The following HFM1 variants were observed in gnomAD, a reference collection of about 807,000 sequenced individuals.
HFM1 encodes the protein probable ATP-dependent DNA helicase HFM1.
A neutral mutation model predicts 192.1 loss-of-function variants in HFM1; 169 were observed. The ratio of observed to expected loss-of-function variants is 0.88; its 90% CI spans 0.78 to 1.00. The LOEUF is 1.00. Ranked by LOEUF, HFM1 falls within the 50% of genes least tolerant of loss-of-function variation. The pLI is 0.00. For synonymous variants in HFM1, 525 were observed against 537.8 expected, an observed-to-expected ratio of 0.98 and a Z score of 0.33; for missense variants, 1,661 against 1,668.0, an observed-to-expected ratio of 1.00 and a Z score of 0.07.
In HFM1 at chr1:91,351,533, CT is replaced by C. The variant is rs773402026; in HGVS notation, c.2072+15del. On this transcript the variant is annotated intron_variant, in intron 17 of 38. Transcript: ENST00000370425. ...TATTAGCATTAGTATCTTTTTGGAA[CT>C]TTTTTTTATACTACCTGCTTTCTAC... The C allele has an allele frequency of 1.4e-4, 193 of 1,380,800 alleles. No homozygotes were observed. Among genetic ancestry groups the C allele is most frequent in the Admixed American group, 3.0e-4 (15 of 49,784 alleles). 85.5% of individuals were successfully genotyped at this position (1,380,800 alleles called of 1,614,324 possible). A position where few individuals can be genotyped will look rare whatever the true frequency, so the allele number is the denominator to read the frequency against.
intron 30 of HFM1, among the ~76,000 whole-genome samples, chr1:91,300,454 T>C (rs1293215631): frequency 6.6e-6 from 1 of 152,158 alleles, no homozygotes; most frequent in Non-Finnish European, 1.5e-5. Flanking sequence ...ATCATCCTGA[T>C]ACCAAAGCCT....
In HFM1 at chr1:91,323,089, G is replaced by C; in HGVS notation, c.2534+4C>G. On this transcript the variant is annotated splice_donor_region_variant and intron_variant, in intron 22 of 38. Coordinates refer to ENST00000370425, the MANE Select transcript of HFM1 (RefSeq NM_001017975.6). ...ATTATTTAAAACATATGTAATTTCTGTACCTGATAGTTATCCGATTTGGAT... is the reference window on the plus strand; with the variant it reads ...ATTATTTAAAACATATGTAATTTCTCTACCTGATAGTTATCCGATTTGGAT... 6.8e-7 allele frequency: 1 copy of C among 1,472,826 alleles called. No individual in the cohort carries two copies. The highest frequency in any genetic ancestry group is 9.3e-7 in the Non-Finnish European group (1 of 1,072,060). The allele number at this position is 1,472,826 out of a possible 1,614,324, so 91.2% of individuals were successfully genotyped here.
At chr1:91,371,163 T>C (rs1168096978) in intron 13 of HFM1, among the ~76,000 whole-genome samples, 4 of 152,146 alleles carry the variant, frequency 2.6e-5, no homozygotes, top group Admixed American at 6.5e-5. Context: ...ATGGCCATAC[T>C]GCCCAAGGTA....
At chr1:91,370,041 G>A (rs1659945802) in intron 13 of HFM1, among the ~76,000 whole-genome samples, 2 of 149,114 alleles carry the variant, frequency 1.3e-5, no homozygotes, top group African/African-American at 2.5e-5. Context: ...ACTAACCCAG[G>A]AGAAGTTGAA....
chr1:91,355,899 T>G (rs1294679712), intron 13 of HFM1, among the ~76,000 whole-genome samples: 1 of 152,184 alleles, frequency 6.6e-6, no homozygotes, highest in East Asian at 1.9e-4. Context: ...TTGCATTCAA[T>G]AGCAGCAGAA....
intron 23 of HFM1, among the ~76,000 whole-genome samples, chr1:91,320,882 C>T (rs1651991205): frequency 6.6e-6 from 1 of 152,126 alleles, no homozygotes; most frequent in Non-Finnish European, 1.5e-5. Context: ...ATGACTAACC[C>T]AGGGTTAGTA....
At chr1:91,295,364 C>T (rs1647367777) in intron 30 of HFM1, among the ~76,000 whole-genome samples, 1 of 152,126 alleles carries the variant, frequency 6.6e-6, no homozygotes, top group Non-Finnish European at 1.5e-5. Flanking sequence ...AGTCCAAGAT[C>T]AAGGTGTTGG....
chr1:91,287,088 G>A (rs1389155769), intron 30 of HFM1, among the ~76,000 whole-genome samples: 1 of 152,160 alleles, frequency 6.6e-6, no homozygotes, highest in Non-Finnish European at 1.5e-5. Context: ...TGGGGGAGGG[G>A]TGCCCGCCAC....
intron 25 of HFM1, among the ~76,000 whole-genome samples, chr1:91,317,207 G>A (rs1264729025): frequency 6.6e-6 from 1 of 152,074 alleles, no homozygotes; most frequent in African/African-American, 2.4e-5. Flanking sequence ...CTGAGGTCGG[G>A]AGTTCGAGAC....
intron 30 of HFM1, among the ~76,000 whole-genome samples, chr1:91,307,650 C>T (rs1649838608): frequency 6.6e-6 from 1 of 152,020 alleles, no homozygotes; most frequent in South Asian, 2.1e-4. Context: ...GACAGGGTTT[C>T]ACCACATTGC....
At chr1:91,363,798 G>A (rs1373797311) in intron 13 of HFM1, among the ~76,000 whole-genome samples, 2 of 152,156 alleles carry the variant, frequency 1.3e-5, no homozygotes, top group African/African-American at 2.4e-5. Context: ...ATGCCCATCA[G>A]TGATAGACTG....
intron 30 of HFM1, among the ~76,000 whole-genome samples, chr1:91,277,817 A>G (rs558781014): frequency 0.014 from 1,726 of 126,316 alleles, 20 homozygotes; most frequent in Non-Finnish European, 0.022. Context: ...AATATATAAT[A>G]TATATACTTT....
chr1:91,313,351 T>G lies in HFM1; in HGVS notation c.3389A>C (p.Lys1130Thr), dbSNP rs777084875. 5.8e-6 allele frequency: 9 copies of G among 1,554,542 alleles called. No individual in the cohort carries two copies. Among genetic ancestry groups the G allele is most frequent in the Non-Finnish European group, 7.9e-6 (9 of 1,137,310 alleles). ...SDISTIAGPNKGTTASKKPGN... is the reference protein window; with the variant it reads ...SDISTIAGPNTGTTASKKPGN... ...TAGGAATTAATACAGCTATTTACCT[T>G]TATTAGGTCCTGCTATTGTAGATAT... Residue 1130 changes from lysine (K) to threonine (T), a missense_variant and splice_region_variant, in exon 30 of 39, where the codon AAA becomes ACA. By Grantham distance (78) the Lys-to-Thr change is moderately conservative. Transcript: ENST00000370425.
intron 35 of HFM1, 58 bp downstream of exon 35, chr1:91,267,687 A>C (rs1367168049): frequency 1.3e-6 from 1 of 790,838 alleles, no homozygotes; most frequent in Non-Finnish European, 2.0e-6. Context: ...CAGGAGCTGA[A>C]ATGAAAAATA....
chr1:91,397,039 T>A (rs970218111), intron 2 of HFM1, among the ~76,000 whole-genome samples: 1 of 152,210 alleles, frequency 6.6e-6, no homozygotes, highest in African/African-American at 2.4e-5. Flanking sequence ...AGAATCTAAC[T>A]AATGTCTGAT....
At position 91,394,220 on chromosome 1, in the gene HFM1, A is replaced by C. The variant is rs1231788467; in HGVS notation, c.367T>G (p.Tyr123Asp). 6.2e-7 allele frequency: 1 copy of C among 1,600,602 alleles called. No individual in the cohort carries two copies. The highest frequency in any genetic ancestry group is 8.6e-7 in the Non-Finnish European group (1 of 1,167,818). ...DLSHIAGKLT[Y>D]ASQKYKNHIG... ...TGATTTTTATATTTCTGAGAAGCAT[A>C]TGTCAGCTTGCCAGCAATATGTGAT... is the stretch of plus-strand genomic sequence containing the variant. Residue 123 changes from tyrosine to aspartate, a missense_variant, in exon 4 of 39, where the codon TAT (tyrosine) becomes GAT (aspartate). Physicochemically the swap from Tyr to Asp is radical, Grantham distance 160 (BLOSUM62 -3). Transcript: ENST00000370425.
intron 30 of HFM1, among the ~76,000 whole-genome samples, chr1:91,279,408 T>C (rs1667262038): frequency 6.6e-6 from 1 of 152,220 alleles, no homozygotes; most frequent in African/African-American, 2.4e-5. Context: ...AGAACTGGTT[T>C]CTTTGAATCC....
chr1:91,370,479 A>G (rs552645130), intron 13 of HFM1, among the ~76,000 whole-genome samples: 2 of 152,218 alleles, frequency 1.3e-5, no homozygotes, highest in Non-Finnish European at 1.5e-5. Context: ...AACAGAACCA[A>G]AGACAAAAAC....
intron 14 of HFM1, 23 bp from the exon 15 acceptor site, chr1:91,353,175 G>T: frequency 1.9e-6 from 3 of 1,554,950 alleles, no homozygotes; most frequent in Non-Finnish European, 1.8e-6. Context: ...TATATCAGCT[G>T]TTACTATTAA....
Sources: allele counts gnomAD v4.1 joint callset (sites outside exome capture counted in the v4.1 genomes callset), GRCh38; gene constraint gnomAD v4.1.1; transcripts MANE v1.5; gene names NCBI Gene and HGNC (gene_info 2026-07-23, HGNC 2026-07-21).